Variants in ADAM23 observed in about 807,000 individuals in gnomAD.
ADAM23 encodes ADAM metallopeptidase domain 23, also known as disintegrin and metalloproteinase domain-containing protein 23.
ADAM23 carries 33 observed loss-of-function variants against 120.1 expected under a neutral mutation model. The ratio of observed to expected loss-of-function variants is 0.27; its 90% CI spans 0.21 to 0.37. ADAM23 has a LOEUF of 0.37. Ranked by LOEUF, ADAM23 falls within the 10% of genes least tolerant of loss-of-function variation. ADAM23 has a pLI of 1.00. For missense variants in ADAM23, 862 were observed against 1,058.2 expected, an observed-to-expected ratio of 0.81 and a Z score of 2.57; for synonymous variants, 367 against 375.2, an observed-to-expected ratio of 0.98 and a Z score of 0.25.
At position 206,589,455 on chromosome 2, in the gene ADAM23, A is replaced by G. The variant is rs753469000; in HGVS notation, c.1899A>G (p.Glu633=). The G allele has an allele frequency of 1.3e-5, 21 of 1,613,942 alleles. No homozygotes were observed. The South Asian group carries it at 2.3e-4, about 18-fold the overall frequency. The change falls in exon 21 of 26, where the codon GAA becomes GAG. Residue 633 remains glutamate (E), a synonymous_variant. Coordinates refer to ENST00000264377, the MANE Select transcript of ADAM23 (RefSeq NM_003812.4). ...TCTGCTATGAAAAGCTGAATACAGA[A>G]GGCACTGAGAAGGGAAACTGCGGGA... The part of the protein sequence containing the change: ...DKFCYEKLNT[E]GTEKGNCGKD...
In ADAM23 at chr2:206,561,157, GT is replaced by G. The variant is rs1697757047; in HGVS notation, c.1200del (p.Leu401Ter). 6.2e-7 allele frequency: 1 copy of G among 1,613,930 alleles called. No individual in the cohort carries two copies. Among genetic ancestry groups the G allele is most frequent in the Non-Finnish European group, 8.5e-7 (1 of 1,179,968 alleles). ...SRVTFHYKRSSLSYFGGVCSR... is the reference protein window; with the variant it reads ...SRVTFHYKRSXLSYFGGVCSR... ...GTGACATTTCACTATAAGAGAAGCA[GT>G]CTGAGTTACTTTGGAGGTGTCTGTT... On this transcript the variant is annotated frameshift_variant, in exon 12 of 26. Transcript: ENST00000264377. LOFTEE classifies it high-confidence loss of function.
At chr2:206,469,367 A>G (rs1366393573) in intron 2 of ADAM23, among the ~76,000 whole-genome samples, 1 of 152,124 alleles carries the variant, frequency 6.6e-6, no homozygotes, top group Non-Finnish European at 1.5e-5. Context: ...ATTTCATTAT[A>G]ATCCATGTCT....
At chr2:206,597,588 C>T (rs1032740822) in intron 24 of ADAM23, among the ~76,000 whole-genome samples, 1 of 152,176 alleles carries the variant, frequency 6.6e-6, no homozygotes, top group Non-Finnish European at 1.5e-5. Context: ...CAGTCACAAA[C>T]AGGCCTACTA....
At chr2:206,518,286 A>G (rs867016085) in intron 3 of ADAM23, among the ~76,000 whole-genome samples, 1 of 152,270 alleles carries the variant, frequency 6.6e-6, no homozygotes, top group Middle Eastern at 3.4e-3. Context: ...ATACTTAATA[A>G]TAGTTAAAAG....
At chr2:206,602,215 T>G (rs1397319994) in intron 24 of ADAM23, among the ~76,000 whole-genome samples, 1 of 152,208 alleles carries the variant, frequency 6.6e-6, no homozygotes, top group Non-Finnish European at 1.5e-5. Context: ...ATATCAAGTT[T>G]AAAAATTTTT....
At position 206,445,514 on chromosome 2, in the gene ADAM23, A is replaced by G. The variant is rs773948314; in HGVS notation, c.422A>G (p.Lys141Arg). Residue 141 changes from lysine to arginine, a missense_variant, in exon 2 of 26, where the codon AAA becomes AGA. Around this residue, in one of 4 missense-constraint regions of ADAM23, gnomAD observed 225 missense variants for 204.0 expected, o/e 1.10. Transcript: ENST00000264377. ...GACACAAAGGCAAGACACCAGCAAA[A>G]ACATAATAAGGTAGGCAGGAGGCTG... ...VLDTKARHQQ[K>R]HNKAVHLAQA... The G allele has an allele frequency of 1.2e-6, 2 of 1,613,324 alleles. No individual in the cohort carries two copies. The highest frequency in any genetic ancestry group is 4.5e-5 in the East Asian group (2 of 44,866).
intron 23 of ADAM23, 78 bp downstream of exon 23, chr2:206,594,983 T>G (rs1698496488): frequency 1.3e-6 from 2 of 1,554,316 alleles, no homozygotes; most frequent in South Asian, 1.2e-5. Context: ...ATTTCAGCCA[T>G]TCTCCTAGCC....
chr2:206,583,230 G>A (rs1011556179), intron 18 of ADAM23, among the ~76,000 whole-genome samples: 30 of 152,134 alleles, frequency 2.0e-4, no homozygotes, highest in South Asian at 6.2e-4. Flanking sequence ...CAAGGCGGGC[G>A]GATCACGAGG....
At chr2:206,512,365 G>C (rs772179646) in intron 3 of ADAM23, among the ~76,000 whole-genome samples, 2 of 152,148 alleles carry the variant, frequency 1.3e-5, no homozygotes, top group African/African-American at 2.4e-5. Context: ...CATCATTTCT[G>C]ATTTTAAATT....
At chr2:206,562,099 C>G (rs1293230868) in intron 12 of ADAM23, 104 bp from the exon 13 acceptor site, 3 of 917,722 alleles carry the variant, frequency 3.3e-6, no homozygotes, top group African/African-American at 1.6e-5. Context: ...CTGACAGGCT[C>G]TACTTAGGGA....
At chr2:206,555,742 G>T (rs1290913565) in intron 9 of ADAM23, among the ~76,000 whole-genome samples, 1 of 152,098 alleles carries the variant, frequency 6.6e-6, no homozygotes, top group Non-Finnish European at 1.5e-5. Context: ...TTAATACTCA[G>T]AAGCAAACTA....
chr2:206,498,182 C>A (rs553020420), intron 3 of ADAM23, among the ~76,000 whole-genome samples: 1 of 152,042 alleles, frequency 6.6e-6, no homozygotes, highest in Non-Finnish European at 1.5e-5. Context: ...AAAAAGAGCC[C>A]GCATTGCCAA....
At chr2:206,558,098 T>G (rs1697683000) in intron 10 of ADAM23, among the ~76,000 whole-genome samples, 1 of 152,188 alleles carries the variant, frequency 6.6e-6, no homozygotes, top group African/African-American at 2.4e-5. Context: ...AATATTGATA[T>G]GTTTTCCTCA....
chr2:206,542,565 G>A (rs545520430), intron 5 of ADAM23, among the ~76,000 whole-genome samples: 22 of 152,248 alleles, frequency 1.4e-4, no homozygotes, highest in African/African-American at 5.3e-4. Flanking sequence ...AGAGGGGTTC[G>A]CACATTGACC....
chr2:206,571,727 G>T lies in ADAM23; in HGVS notation c.1567G>T (p.Glu523Ter). ...TACTCACGTGAAGTGTTTTCTCTAG[G>T]AATGCTATGGATTATGCTGTAAGAA... Reference protein sequence around the residue: ...GEECDCGFHVECYGLCCKKCS... With the variant: ...GEECDCGFHV The change falls in exon 17 of 26, where the codon GAA becomes TAA. Residue 523 changes from glutamate to a stop codon, truncating the protein, a stop_gained and splice_region_variant. Transcript: ENST00000264377. LOFTEE classifies it high-confidence loss of function. The T allele has an allele frequency of 6.2e-7, 1 of 1,613,674 alleles. No individual in the cohort carries two copies.
At chr2:206,508,245 G>A (rs1023299029) in intron 3 of ADAM23, among the ~76,000 whole-genome samples, 1 of 152,124 alleles carries the variant, frequency 6.6e-6, no homozygotes, top group Non-Finnish European at 1.5e-5. Context: ...TAGCCAGGAT[G>A]GTCTTGATCT....
chr2:206,516,334 T>A (rs1270872745), intron 3 of ADAM23, among the ~76,000 whole-genome samples: 1 of 152,134 alleles, frequency 6.6e-6, no homozygotes, highest in African/African-American at 2.4e-5. Flanking sequence ...GTTTTTTTTC[T>A]AACATTCCAC....
intron 8 of ADAM23, 83 bp downstream of exon 8, chr2:206,548,437 C>A (rs1574526900): frequency 1.5e-6 from 2 of 1,328,838 alleles, no homozygotes; most frequent in Non-Finnish European, 2.1e-6. Flanking sequence ...CTAAGTGTAC[C>A]TAAAACAGTT....
At chr2:206,613,118 G>A (rs1350151496) in intron 25 of ADAM23, among the ~76,000 whole-genome samples, 1 of 152,014 alleles carries the variant, frequency 6.6e-6, no homozygotes, top group Non-Finnish European at 1.5e-5. Context: ...GGAGTGCAGT[G>A]GCATGATCTC....
Sources: gnomAD v4.1 joint callset for allele counts (sites outside exome capture counted in the v4.1 genomes callset) on GRCh38, gnomAD v4.1.1 for gene constraint, gnomAD v4.1.1 regional missense constraint, MANE v1.5 for transcripts, NCBI Gene and HGNC (gene_info 2026-07-23, HGNC 2026-07-21) for gene names.